RBFOX3: variants seen among roughly 807,000 people sequenced by gnomAD.
The protein encoded by RBFOX3 is RNA binding fox-1 homolog 3, also known as RNA binding protein fox-1 homolog 3.
A neutral mutation model predicts 48.7 loss-of-function variants in RBFOX3; 17 were observed. That is an observed-to-expected ratio of 0.35 (90% CI 0.24 to 0.52). RBFOX3 has a LOEUF of 0.52. RBFOX3 is among the 20% of genes least tolerant of loss of function. The probability of loss-of-function intolerance (pLI) is 0.94; values close to 1 mark genes in which losing one functional copy is unlikely to be tolerated. For missense variants in RBFOX3, 382 were observed against 497.5 expected, an observed-to-expected ratio of 0.77 and a Z score of 2.21; for synonymous variants, 212 against 209.5, an observed-to-expected ratio of 1.01 and a Z score of -0.10.
At chr17:79,246,000 A>G (rs2063119326) in intron 3 of RBFOX3, among the ~76,000 whole-genome samples, 1 of 151,874 alleles carries the variant, frequency 6.6e-6, no homozygotes, top group African/African-American at 2.4e-5. Context: ...ATTTTGCTTC[A>G]GCCACGAGCA....
At chr17:79,436,056 G>A (rs2069380573) in intron 2 of RBFOX3, among the ~76,000 whole-genome samples, 1 of 152,204 alleles carries the variant, frequency 6.6e-6, no homozygotes, top group African/African-American at 2.4e-5. Context: ...AAAGAGCAGA[G>A]GGAGCCTCAC....
At chr17:79,651,718 TCTTTCCCTCC>T in the RBFOX3 span, among the ~76,000 whole-genome samples, 1 of 83,914 alleles carries the variant, frequency 1.2e-5, no homozygotes, top group Non-Finnish European at 2.6e-5. Flanking sequence ...TCCCTGTCTC[TCTTTCCCTCC>T]CTCTCTCCTT....
Position 79,103,113 on chromosome 17 carries a change from A to G in RBFOX3, c.507+49T>C. The G allele has an allele frequency of 7.3e-7, 1 of 1,368,190 alleles. No homozygotes were observed. The highest frequency in any genetic ancestry group is 1.0e-6 in the Non-Finnish European group (1 of 981,750). The allele number at this position is 1,368,190 out of a possible 1,614,324, so 84.8% of individuals were successfully genotyped here. A position where few individuals can be genotyped will look rare whatever the true frequency, so the allele number is the denominator to read the frequency against. On this transcript the variant is annotated intron_variant, in intron 8 of 14. Transcript: ENST00000693108. The surrounding 1 kb of genome is among the most constrained non-coding windows in gnomAD (Gnocchi z 6.1). The stretch of plus-strand genomic sequence containing the variant: ...TGGTTGGTTGGGGGAGCTGGGGGGC[A>G]GGTGGGCGATCTTGGGGCATCCCTG...
At chr17:79,219,955 G>A (rs1265450637) in intron 4 of RBFOX3, among the ~76,000 whole-genome samples, 1 of 149,884 alleles carries the variant, frequency 6.7e-6, no homozygotes, top group Non-Finnish European at 1.5e-5. Context: ...CAGCCCCACC[G>A]TCTGCATCCG....
At chr17:79,556,359 G>A (rs992470269) in intron 1 of RBFOX3, among the ~76,000 whole-genome samples, 31 of 152,180 alleles carry the variant, frequency 2.0e-4, no homozygotes, top group African/African-American at 5.3e-4. Context: ...AGTTCCATTC[G>A]GTGGCAGGAG....
intron 2 of RBFOX3, among the ~76,000 whole-genome samples, chr17:79,456,265 G>A (rs1335451070): frequency 1.3e-5 from 2 of 151,794 alleles, no homozygotes; most frequent in African/African-American, 4.8e-5. Context: ...CCTAACCCTC[G>A]TCCCGCCAAC....
Position 79,473,495 on chromosome 17 carries a change from C to A in RBFOX3, c.-175+8959G>T, listed in dbSNP as rs934995014. ...GACGTCAGCCTGATGGATTTCCAGG[C>A]CTTGCATACTGTTCTGGACACTCCA... On this transcript the variant is annotated intron_variant, in intron 2 of 14. Transcript: ENST00000693108. This position sits in a 1 kb window ranked among gnomAD's most constrained non-coding sequence, Gnocchi z 4.2. Among the ~76,000 whole-genome samples the A allele has an allele frequency of 1.6e-4, 24 of 152,218 alleles. No homozygotes were observed. The highest frequency in any genetic ancestry group is 5.5e-4 in the African/African-American group (23 of 41,458).
chr17:79,609,175 C>T (rs1341359181), intron 1 of RBFOX3, among the ~76,000 whole-genome samples: 1 of 152,152 alleles, frequency 6.6e-6, no homozygotes, highest in African/African-American at 2.4e-5. Context: ...CAGGTTCTGC[C>T]GCAATGTTTA....
chr17:79,258,341 C>A (rs1024742547), intron 3 of RBFOX3, among the ~76,000 whole-genome samples: 1 of 152,194 alleles, frequency 6.6e-6, no homozygotes, highest in Non-Finnish European at 1.5e-5. Flanking sequence ...CCGCTTAAAT[C>A]TCAAACCCTA....
intron 3 of RBFOX3, among the ~76,000 whole-genome samples, chr17:79,267,384 ACT>A (rs1394226058): frequency 2.7e-5 from 4 of 147,652 alleles, no homozygotes; most frequent in South Asian, 2.1e-4. Context: ...TGCCCATGTC[ACT>A]CTCTCTCTTT....
Position 79,115,703 on chromosome 17 carries a change from A to AGGGGGGGGGGGGGTT in RBFOX3, c.12_13insAACCCCCCCCCCCCC (p.Pro4_Tyr5insAsnProProProPro). On this transcript the variant is annotated inframe_insertion, in exon 5 of 15. Transcript: ENST00000693108. ...GGAGGGGGGTACTGGGCGGGGGGGT[A>AGGGGGGGGGGGGGTT]GGGCTGGGCCATCGCTTCAGGCGGA... The AGGGGGGGGGGGGGTT allele has an allele frequency of 4.2e-5, 16 of 383,520 alleles. No homozygotes were observed. Among genetic ancestry groups the AGGGGGGGGGGGGGTT allele is most frequent in the East Asian group, 1.2e-4 (2 of 16,018 alleles). The allele number at this position is 383,520 out of a possible 1,614,324, so 23.8% of individuals were successfully genotyped here. A position where few individuals can be genotyped will look rare whatever the true frequency, so the allele number is the denominator to read the frequency against.
In RBFOX3 at chr17:79,381,651, G is replaced by A. The variant is rs56163165; in HGVS notation, c.-174-73827C>T. On this transcript the variant is annotated intron_variant, in intron 2 of 14. Coordinates refer to ENST00000693108, the MANE Select transcript of RBFOX3 (RefSeq NM_001350451.2). The stretch of plus-strand genomic sequence containing the variant: ...TGTGAATAAACTGACCACCTTGTAC[G>A]ACTTCGATCTGTTATTGAGGTAGGG... Among the ~76,000 whole-genome samples, 1,227 of 152,318 alleles carry A rather than the reference G, an allele frequency of 8.1e-3. 7 individuals are homozygous for A. Among genetic ancestry groups the A allele is most frequent in the South Asian group, 0.016 (77 of 4,822 alleles).
intron 3 of RBFOX3, among the ~76,000 whole-genome samples, chr17:79,267,076 G>A (rs1021245747): frequency 1.8e-4 from 27 of 152,174 alleles, no homozygotes; most frequent in African/African-American, 6.5e-4. Flanking sequence ...AAGTTAGGGT[G>A]GTCTTGTGGG....
intron 5 of RBFOX3, among the ~76,000 whole-genome samples, chr17:79,108,024 C>A (rs1760091679): frequency 6.6e-6 from 1 of 152,230 alleles, no homozygotes; most frequent in Admixed American, 6.5e-5. Flanking sequence ...CGCCTTCCCG[C>A]CTCAATTCCA....
intron 2 of RBFOX3, among the ~76,000 whole-genome samples, chr17:79,334,913 T>C (rs2080959218): frequency 6.6e-6 from 1 of 152,224 alleles, no homozygotes; most frequent in South Asian, 2.1e-4. Flanking sequence ...ACAGTGGCAT[T>C]TCTCCAGCAT....
intron 2 of RBFOX3, among the ~76,000 whole-genome samples, chr17:79,309,705 G>A (rs2076580962): frequency 6.6e-6 from 1 of 152,154 alleles, no homozygotes; most frequent in Non-Finnish European, 1.5e-5. Context: ...CTGGTGGGAG[G>A]TAACTGGATC....
intron 1 of RBFOX3, among the ~76,000 whole-genome samples, chr17:79,538,076 C>G (rs1224514659): frequency 1.3e-5 from 2 of 152,232 alleles, no homozygotes; most frequent in African/African-American, 4.8e-5. Context: ...GGCAGAGATG[C>G]CAGGCAGCTC....
At chr17:79,338,222 A>G (rs539189864) in intron 2 of RBFOX3, among the ~76,000 whole-genome samples, 4 of 152,232 alleles carry the variant, frequency 2.6e-5, no homozygotes, top group African/African-American at 7.2e-5. Context: ...TACAGGCATG[A>G]GCCACCGCGC....
intron 2 of RBFOX3, among the ~76,000 whole-genome samples, chr17:79,434,069 C>A (rs2068950977): frequency 6.6e-6 from 1 of 152,174 alleles, no homozygotes; most frequent in East Asian, 1.9e-4. Context: ...GGCTCCAGCG[C>A]CCTTTTAAAC....
Sources: gnomAD v4.1 joint callset for allele counts (sites outside exome capture counted in the v4.1 genomes callset) on GRCh38, gnomAD v4.1.1 for gene constraint, Gnocchi (gnomAD v3.1) non-coding constraint, MANE v1.5 for transcripts, NCBI Gene and HGNC (gene_info 2026-07-23, HGNC 2026-07-21) for gene names.